The following MAGI2 variants were observed in gnomAD, a reference collection of about 807,000 sequenced individuals.
MAGI2 encodes the protein membrane associated guanylate kinase, WW and PDZ domain containing 2.
MAGI2 carries 35 observed loss-of-function variants against 133.3 expected under a neutral mutation model. The observed-to-expected ratio is 0.26, with a 90% CI of 0.20 to 0.35. The LOEUF is 0.35. Among genes scored for constraint, MAGI2 ranks in the 10% least tolerant of loss-of-function variants. MAGI2 has a pLI of 1.00. For missense variants in MAGI2, 1,636 were observed against 1,863.4 expected (o/e 0.88, Z 2.25); for synonymous variants, 729 against 710.6 (o/e 1.03, Z -0.41).
intron 1 of MAGI2, among the ~76,000 whole-genome samples, chr7:79,045,323 C>A (rs1436246355): frequency 6.6e-6 from 1 of 152,090 alleles, no homozygotes; most frequent in Non-Finnish European, 1.5e-5. Context: ...ACGTCCAAAT[C>A]CACTGAAGTG....
At chr7:79,265,516 A>G (rs1378840493) in intron 1 of MAGI2, among the ~76,000 whole-genome samples, 1 of 152,176 alleles carries the variant, frequency 6.6e-6, no homozygotes, top group Non-Finnish European at 1.5e-5. Context: ...GTGAATGTCC[A>G]TATTTATATA....
chr7:79,238,473 C>T (rs1447862653), intron 1 of MAGI2, among the ~76,000 whole-genome samples: 1 of 152,078 alleles, frequency 6.6e-6, no homozygotes, highest in Non-Finnish European at 1.5e-5. Context: ...AGTATTATGG[C>T]AGGACATATA....
intron 3 of MAGI2, among the ~76,000 whole-genome samples, chr7:78,565,699 C>A (rs771577476): frequency 9.2e-5 from 14 of 152,136 alleles, no homozygotes; most frequent in Non-Finnish European, 1.8e-4. Flanking sequence ...AAATTTTCTC[C>A]ATTTTTCAGC....
intron 1 of MAGI2, among the ~76,000 whole-genome samples, chr7:79,206,115 C>G (rs754012087): frequency 6.6e-6 from 1 of 150,766 alleles, no homozygotes; most frequent in Non-Finnish European, 1.5e-5. Flanking sequence ...AAATGCCTAC[C>G]TCAAAACAAT....
At chr7:79,294,052 G>A (rs116390151) in intron 1 of MAGI2, among the ~76,000 whole-genome samples, 3,210 of 151,876 alleles carry the variant, frequency 0.021, 131 homozygotes, top group African/African-American at 0.073. Context: ...GTGTGCTGGC[G>A]TGAGTCTGTA....
intron 2 of MAGI2, among the ~76,000 whole-genome samples, chr7:78,860,687 G>C (rs1794084599): frequency 6.6e-6 from 1 of 152,118 alleles, no homozygotes; most frequent in Non-Finnish European, 1.5e-5. Context: ...GGCTACTCAG[G>C]GTTCTGGCAC....
intron 1 of MAGI2, among the ~76,000 whole-genome samples, chr7:79,128,457 T>C (rs1463250478): frequency 6.6e-6 from 1 of 152,196 alleles, no homozygotes; most frequent in Non-Finnish European, 1.5e-5. Context: ...AAACTCTAAG[T>C]TGTAAGACAC....
intron 2 of MAGI2, among the ~76,000 whole-genome samples, chr7:78,833,892 G>T (rs1269317456): frequency 6.6e-6 from 1 of 152,094 alleles, no homozygotes; most frequent in East Asian, 1.9e-4. Flanking sequence ...TGTTATCTTT[G>T]ATTATGTAGT....
intron 2 of MAGI2, among the ~76,000 whole-genome samples, chr7:78,875,015 G>C (rs1795310556): frequency 6.6e-6 from 1 of 152,122 alleles, no homozygotes; most frequent in Non-Finnish European, 1.5e-5. Context: ...TGGCTGAGTA[G>C]AGAGTCTAAG....
intron 1 of MAGI2, among the ~76,000 whole-genome samples, chr7:79,067,797 G>C (rs1814520185): frequency 6.6e-6 from 1 of 152,170 alleles, no homozygotes. Flanking sequence ...CTAGTTTATT[G>C]AGATTTTTTA....
chr7:78,472,055 G>A (rs1235603280), intron 6 of MAGI2, among the ~76,000 whole-genome samples: 11 of 152,028 alleles, frequency 7.2e-5, no homozygotes, highest in South Asian at 2.1e-4. Flanking sequence ...ATGTTCTTAC[G>A]GACTATCTTG....
chr7:78,026,131 A>G (rs1246014276), intron 21 of MAGI2: 1 of 152,570 alleles, frequency 6.6e-6, no homozygotes, highest in Non-Finnish European at 1.5e-5. Flanking sequence ...TTAATCCATA[A>G]GTACATATCA....
intron 2 of MAGI2, among the ~76,000 whole-genome samples, chr7:78,931,861 C>CTTTTAAGT (rs1800148304): frequency 6.6e-6 from 1 of 152,066 alleles, no homozygotes; most frequent in Non-Finnish European, 1.5e-5. Context: ...CTTTTAAGTA[C>CTTTTAAGT]AGGTTGAGCA....
At chr7:78,690,482 G>A (rs530151073) in intron 2 of MAGI2, among the ~76,000 whole-genome samples, 1 of 152,314 alleles carries the variant, frequency 6.6e-6, no homozygotes, top group South Asian at 2.1e-4. Flanking sequence ...ACATTAGCTT[G>A]AGAATGTGAG....
chr7:79,302,195 T>C (rs915540771), intron 1 of MAGI2, among the ~76,000 whole-genome samples: 1 of 152,218 alleles, frequency 6.6e-6, no homozygotes, highest in African/African-American at 2.4e-5. Context: ...TTAATTTTAA[T>C]CCTTCTGGAG....
intron 12 of MAGI2, among the ~76,000 whole-genome samples, chr7:78,186,086 A>G (rs184861327): frequency 6.6e-6 from 1 of 152,170 alleles, no homozygotes; most frequent in East Asian, 1.9e-4. Context: ...AAAGTGGAAA[A>G]TCCAATCAAT....
intron 6 of MAGI2, among the ~76,000 whole-genome samples, chr7:78,382,514 A>T (rs1314129181): frequency 6.6e-6 from 1 of 152,140 alleles, no homozygotes; most frequent in African/African-American, 2.4e-5. Flanking sequence ...AGGTAAAAGC[A>T]TTAAAAACTC....
Position 78,125,600 on chromosome 7 carries a change from A to G in MAGI2, c.3567+94T>C, listed in dbSNP as rs902953137. ...CTAGAAAGAGGGCAAACCTACAGCA[A>G]CCCCGCTTGACAGCATGCTTCAGTA... On this transcript the variant is annotated intron_variant, in intron 20 of 21. Coordinates refer to ENST00000354212, the MANE Select transcript of MAGI2 (RefSeq NM_012301.4). 6.7e-6 allele frequency: 9 copies of G among 1,352,646 alleles called. No homozygotes were observed. In the African/African-American group the frequency reaches 1.3e-4, roughly 20 times the overall value. The allele number at this position is 1,352,646 out of a possible 1,614,324, so 83.8% of individuals were successfully genotyped here. A position where few individuals can be genotyped will look rare whatever the true frequency, so the allele number is the denominator to read the frequency against.
intron 3 of MAGI2, among the ~76,000 whole-genome samples, chr7:78,573,266 A>ATATATATT (rs1563188638): frequency 1.7e-4 from 4 of 24,240 alleles, no homozygotes; most frequent in African/African-American, 5.0e-4. Context: ...AAATATAAAT[A>ATATATATT]TATATAAATA....
Sources: gnomAD v4.1 joint callset for allele counts (sites outside exome capture counted in the v4.1 genomes callset) on GRCh38, gnomAD v4.1.1 for gene constraint, MANE v1.5 for transcripts, NCBI Gene and HGNC (gene_info 2026-07-23, HGNC 2026-07-21) for gene names.